Variants in HTT observed in about 807,000 individuals in gnomAD.
HTT encodes huntingtin.
Under a neutral mutation model 362.3 loss-of-function variants are expected in HTT, and 104 were observed. That is an observed-to-expected ratio of 0.29 (90% CI 0.24 to 0.34). HTT has a LOEUF of 0.34. Ranked by LOEUF, HTT falls within the 10% of genes least tolerant of loss-of-function variation. The probability of loss-of-function intolerance (pLI) is 1.00; values close to 1 mark genes in which losing one functional copy is unlikely to be tolerated. For missense variants in HTT, 3,301 were observed against 3,928.6 expected (o/e 0.84, Z 4.27); for synonymous variants, 1,577 against 1,548.7 (o/e 1.02, Z -0.43).
intron 8 of HTT, 126 bp downstream of exon 8, chr4:3,116,389 T>A (rs2071655): frequency 2.6e-6 from 2 of 755,762 alleles, no homozygotes; most frequent in African/African-American, 3.5e-5. Context: ...GCGCTGCTCG[T>A]TTCCAACCCT....
chr4:3,190,428 C>A (rs948884056), intron 40 of HTT, among the ~76,000 whole-genome samples: 2 of 151,318 alleles, frequency 1.3e-5, no homozygotes, highest in Non-Finnish European at 2.9e-5. Context: ...GTTTTTGTTA[C>A]TTTTACAAAT....
Position 3,154,422 on chromosome 4 carries a change from A to G in HTT, c.3625+3A>G, listed in dbSNP as rs1330682838. The G allele has an allele frequency of 6.2e-7, 1 of 1,613,632 alleles. No individual in the cohort carries two copies. The highest frequency in any genetic ancestry group is 1.7e-5 in the Admixed American group (1 of 59,912). On this transcript the variant is annotated splice_donor_region_variant and intron_variant, in intron 27 of 66. Coordinates refer to ENST00000355072, the MANE Select transcript of HTT (RefSeq NM_001388492.1). ...GAAAGGCAGTGAGGCCAGTGCAGGT[A>G]GGAAACAGCGTGGGGAAGGGAGGGA...
chr4:3,114,551 G>C (rs1714926598), intron 6 of HTT, among the ~76,000 whole-genome samples: 1 of 152,244 alleles, frequency 6.6e-6, no homozygotes, highest in South Asian at 2.1e-4. Flanking sequence ...CTCTGACAGA[G>C]TCCCCGACTC....
chr4:3,188,964 C>G lies in HTT; in HGVS notation c.5239C>G (p.Leu1747Val), dbSNP rs1212557235. 2 of 1,613,938 alleles carry G rather than the reference C, an allele frequency of 1.2e-6. No individual in the cohort carries two copies. Among genetic ancestry groups the G allele is most frequent in the Non-Finnish European group, 1.7e-6 (2 of 1,179,896 alleles). The change falls in exon 40 of 67, where the codon CTG becomes GTG. Residue 1747 changes from leucine to valine, a missense_variant. Around this residue, in one of 4 missense-constraint regions of HTT, gnomAD observed 2,316 missense variants for 2,658.5 expected, o/e 0.87. Coordinates refer to ENST00000355072, the MANE Select transcript of HTT (RefSeq NM_001388492.1). ...EETFSRFLLQLVGILLEDIVT... is the reference protein window; with the variant it reads ...EETFSRFLLQVVGILLEDIVT... ...GTTTCTTGGAAGGTTTCTATTACAA[C>G]TGGTTGGTATTCTTTTAGAAGACAT...
chr4:3,138,664 AGT>A (rs1164328299), intron 21 of HTT, among the ~76,000 whole-genome samples: 1 of 152,132 alleles, frequency 6.6e-6, no homozygotes, highest in Non-Finnish European at 1.5e-5. Flanking sequence ...CCCAGGCTGG[AGT>A]GTGGTGGTGC....
chr4:3,152,694 T>C (rs1003743335), intron 26 of HTT, among the ~76,000 whole-genome samples: 80 of 151,874 alleles, frequency 5.3e-4, no homozygotes, highest in African/African-American at 1.8e-3. Flanking sequence ...TAGCAGCCTC[T>C]CTGTTTTTCT....
At position 3,233,167 on chromosome 4, in the gene HTT, A is replaced by C. The variant is rs777093310; in HGVS notation, c.8270A>C (p.Lys2757Thr). The C allele has an allele frequency of 1.0e-5, 16 of 1,583,444 alleles. No homozygotes were observed. The South Asian group carries it at 1.8e-4, about 18-fold the overall frequency. The change falls in exon 61 of 67, where the codon AAG becomes ACG. Residue 2757 changes from lysine to threonine, a missense_variant. This residue lies in a region of HTT where 753 missense variants were observed against 1,021.3 expected (regional missense o/e 0.74). Transcript: ENST00000355072. ...CTTTTGTCTGTGTGTGCCTAGGACAAGGCCGTGGCGGAGCCTGTCAGCCGC... is the reference window on the plus strand; with the variant it reads ...CTTTTGTCTGTGTGTGCCTAGGACACGGCCGTGGCGGAGCCTGTCAGCCGC... ...CKAAAVLGMDKAVAEPVSRLL... is the reference protein window; with the variant it reads ...CKAAAVLGMDTAVAEPVSRLL...
intron 64 of HTT, among the ~76,000 whole-genome samples, chr4:3,236,757 G>A (rs905258153): frequency 1.3e-5 from 2 of 152,084 alleles, no homozygotes; most frequent in African/African-American, 4.8e-5. Context: ...AGTGGCTTCT[G>A]CCCCCCACCA....
intron 49 of HTT, 59 bp from the exon 50 acceptor site, chr4:3,213,899 C>T (rs1329452586): frequency 1.3e-5 from 18 of 1,415,924 alleles, no homozygotes; most frequent in South Asian, 3.1e-5. Context: ...GTGATTCACA[C>T]GGCTTCCCCA....
At chr4:3,214,282 C>G (rs537953425) in intron 50 of HTT, 147 bp downstream of exon 50, 3 of 535,554 alleles carry the variant, frequency 5.6e-6, no homozygotes, top group Admixed American at 8.5e-5. Flanking sequence ...AAGGGCTGGG[C>G]CCCATCTCTT....
Position 3,146,081 on chromosome 4 carries a change from G to A in HTT, c.3144-716G>A, listed in dbSNP as rs114012414. Reference sequence around the variant, plus strand: ...ATGATAAAATAAAAAAGAAAATATGGGTAGACACCATAATCCTCGTTTCTG... The same window carrying A: ...ATGATAAAATAAAAAAGAAAATATGAGTAGACACCATAATCCTCGTTTCTG... On this transcript the variant is annotated intron_variant, in intron 24 of 66. Coordinates refer to ENST00000355072, the MANE Select transcript of HTT (RefSeq NM_001388492.1). Among the ~76,000 whole-genome samples the A allele has an allele frequency of 6.1e-3, 930 of 152,188 alleles. 6 individuals carry two copies. Among genetic ancestry groups the A allele is most frequent in the Middle Eastern group, 0.02 (6 of 294 alleles).
At chr4:3,092,519 G>C (rs983624063) in intron 2 of HTT, among the ~76,000 whole-genome samples, 1 of 152,018 alleles carries the variant, frequency 6.6e-6, no homozygotes, top group Non-Finnish European at 1.5e-5. Flanking sequence ...AGTACCTGGG[G>C]GACTTTAGGC....
At chr4:3,224,806 G>A (rs1057169236) in intron 56 of HTT, among the ~76,000 whole-genome samples, 1 of 152,242 alleles carries the variant, frequency 6.6e-6, no homozygotes, top group South Asian at 2.1e-4. Context: ...TATACGCAGT[G>A]TCTATGAGAC....
rs1560535078 is a variant in HTT, at chr4:3,074,929, A to ACC, written c.104_105insCC (p.Gln35HisfsTer67). 2.0e-5 allele frequency: 28 copies of ACC among 1,418,838 alleles called. No homozygotes were observed. The African/African-American group carries it at 4.3e-4, about 22-fold the overall frequency. The allele number at this position is 1,418,838 out of a possible 1,614,324, so 87.9% of individuals were successfully genotyped here. On this transcript the variant is annotated frameshift_variant, in exon 1 of 67. Coordinates refer to ENST00000355072, the MANE Select transcript of HTT (RefSeq NM_001388492.1). LOFTEE classifies it high-confidence loss of function. ...CAGCAGCAGCAGCAGCAGCAGCAGC[A>ACC]GCAGCAACAGCCGCCACCGCCGCCG...
At chr4:3,191,963 G>T (rs888215076) in intron 40 of HTT, among the ~76,000 whole-genome samples, 4 of 152,200 alleles carry the variant, frequency 2.6e-5, no homozygotes, top group South Asian at 2.1e-4. Flanking sequence ...CCTGGAAAGT[G>T]CAGGCAAGGG....
At chr4:3,168,159 C>T (rs1041128661) in intron 29 of HTT, among the ~76,000 whole-genome samples, 21 of 152,346 alleles carry the variant, frequency 1.4e-4, no homozygotes, top group African/African-American at 4.8e-4. Context: ...TTCTGCCACA[C>T]AGCAGTTCTG....
Position 3,116,101 on chromosome 4 carries a change from C to A in HTT, c.906C>A (p.Val302=), listed in dbSNP as rs199509618. 324 of 1,611,072 alleles carry A rather than the reference C, an allele frequency of 2.0e-4. 2 individuals are homozygous for A. In the African/African-American group the frequency reaches 3.4e-3, roughly 17 times the overall value. The change falls in exon 8 of 67, where the codon GTC becomes GTA. Residue 302 remains valine, a synonymous_variant. Transcript: ENST00000355072. ...LNVLLGLLVP[V]EDEHSTLLIL... Reference sequence around the variant, plus strand: ...CCCCCACAGGCTTACTCGTTCCTGTCGAGGATGAACACTCCACTCTGCTGA... The same window carrying A: ...CCCCCACAGGCTTACTCGTTCCTGTAGAGGATGAACACTCCACTCTGCTGA...
At position 3,134,849 on chromosome 4, in the gene HTT, C is replaced by G. The variant is rs989509591; in HGVS notation, c.2633+309C>G. 2.6e-5 allele frequency among the ~76,000 whole-genome samples: 4 copies of G among 152,264 alleles called. No homozygotes were observed. The South Asian group carries it at 6.2e-4, about 24-fold the overall frequency. On this transcript the variant is annotated intron_variant, in intron 19 of 66. Coordinates refer to ENST00000355072, the MANE Select transcript of HTT (RefSeq NM_001388492.1). ...GACTCAAGTGGTCCTCCTGCCTCAG[C>G]CTCCCGATTAGCTAGGAGAATAGGT...
chr4:3,220,060 C>T (rs964998219), intron 52 of HTT, 122 bp from the exon 53 acceptor site: 4 of 1,071,972 alleles, frequency 3.7e-6, no homozygotes. Context: ...GGTGCCAGCT[C>T]TGGGACAGTG....
Sources: gnomAD v4.1 joint callset for allele counts (sites outside exome capture counted in the v4.1 genomes callset) on GRCh38, gnomAD v4.1.1 for gene constraint, gnomAD v4.1.1 regional missense constraint, MANE v1.5 for transcripts, NCBI Gene and HGNC (gene_info 2026-07-23, HGNC 2026-07-21) for gene names.